ADGRE3: variants seen among roughly 807,000 people sequenced by gnomAD.
ADGRE3 encodes the protein adhesion G protein-coupled receptor E3.
In ADGRE3, 88 loss-of-function variants were observed where a neutral mutation model predicts 80.1. The ratio of observed to expected loss-of-function variants is 1.10; its 90% confidence interval spans 0.93 to 1.31. ADGRE3 has a LOEUF of 1.31. ADGRE3 is among the 40% of genes most tolerant of loss of function. ADGRE3 has a pLI of 0.00. For synonymous variants in ADGRE3, 281 were observed against 294.8 expected, an observed-to-expected ratio of 0.95 and a Z score of 0.48; for missense variants, 715 against 776.5, an observed-to-expected ratio of 0.92 and a Z score of 0.94.
chr19:14,674,344 A>T (rs1050889420), intron 1 of ADGRE3, among the ~76,000 whole-genome samples: 2 of 152,030 alleles, frequency 1.3e-5, no homozygotes, highest in African/African-American at 2.4e-5. Flanking sequence ...TAAAAATACA[A>T]AAATTAGCCA....
intron 7 of ADGRE3, among the ~76,000 whole-genome samples, chr19:14,649,094 C>A (rs1448218170): frequency 6.7e-6 from 1 of 150,294 alleles, no homozygotes; most frequent in Non-Finnish European, 1.5e-5. Context: ...CTCTTTCCAT[C>A]TTTCTCCCCA....
chr19:14,660,716 C>A (rs1410162516), intron 4 of ADGRE3, among the ~76,000 whole-genome samples: 3 of 151,930 alleles, frequency 2.0e-5, no homozygotes, highest in Non-Finnish European at 2.9e-5. Flanking sequence ...CTCATATAGA[C>A]TTTCCCATCC....
chr19:14,607,162 G>C, the ADGRE3 span: 36 of 740,906 alleles, frequency 4.9e-5, no homozygotes, highest in African/African-American at 6.2e-4. Flanking sequence ...ACCATGGGGA[G>C]GGGAGAAGGT....
chr19:14,610,305 C>T, the ADGRE3 span: 1 of 1,447,082 alleles, frequency 6.9e-7, no homozygotes, highest in Non-Finnish European at 9.2e-7. Context: ...CACAGATGTG[C>T]CTCAAACAGG....
chr19:14,655,809 T>C (rs1329508642), intron 5 of ADGRE3, among the ~76,000 whole-genome samples: 2 of 151,996 alleles, frequency 1.3e-5, no homozygotes, highest in Non-Finnish European at 2.9e-5. Context: ...GTGATAAGTT[T>C]GTTAGAAATA....
At chr19:14,652,430 ATATTAAAAGGT>A (rs1212767598) in intron 6 of ADGRE3, among the ~76,000 whole-genome samples, 3 of 151,942 alleles carry the variant, frequency 2.0e-5, no homozygotes, top group East Asian at 3.9e-4. Context: ...CCTTTTGTGC[ATATTAAAAGGT>A]TAAAAAAAAA....
chr19:14,617,388 T>G (rs889798889), downstream of ADGRE3, among the ~76,000 whole-genome samples: 7 of 135,198 alleles, frequency 5.2e-5, no homozygotes, highest in African/African-American at 1.9e-4. Flanking sequence ...CTTTCTTTCT[T>G]TCTTTCTTTC....
At chr19:14,636,672 TGC>T (rs1419908366) in intron 11 of ADGRE3, among the ~76,000 whole-genome samples, 1 of 152,148 alleles carries the variant, frequency 6.6e-6, no homozygotes, top group Non-Finnish European at 1.5e-5. Flanking sequence ...CAGGATTCAC[TGC>T]CAGGTCAGCT....
intron 1 of ADGRE3, among the ~76,000 whole-genome samples, chr19:14,669,960 C>A (rs532777181): frequency 3.3e-5 from 5 of 152,062 alleles, no homozygotes; most frequent in South Asian, 4.2e-4. Context: ...ATTACCTATT[C>A]GGTACAATGT....
intron 1 of ADGRE3, among the ~76,000 whole-genome samples, chr19:14,671,608 C>G (rs968242335): frequency 6.6e-6 from 1 of 152,230 alleles, no homozygotes; most frequent in South Asian, 2.1e-4. Flanking sequence ...GTGGATGTCT[C>G]TGGGGGGACT....
In ADGRE3 at chr19:14,620,548, T is replaced by TATAATA; in HGVS notation, c.1921-1078_1921-1077insTATTAT. The stretch of plus-strand genomic sequence containing the variant: ...TGAATATATATATTTTATATATATA[T>TATAATA]TATATATATATATATATATATTTTT... On this transcript the variant is annotated intron_variant, in intron 15 of 15. Coordinates refer to ENST00000253673, the MANE Select transcript of ADGRE3 (RefSeq NM_032571.5). Among the ~76,000 whole-genome samples, 67 of 24,946 alleles carry TATAATA rather than the reference T, an allele frequency of 2.7e-3. 2 individuals carry two copies. Among genetic ancestry groups the TATAATA allele is most frequent in the South Asian group, 9.9e-3 (6 of 604 alleles). 16.4% of individuals were successfully genotyped at this position (24,946 alleles called of 152,430 possible).
At chr19:14,636,738 C>T (rs1381348443) in intron 11 of ADGRE3, among the ~76,000 whole-genome samples, 2 of 152,098 alleles carry the variant, frequency 1.3e-5, no homozygotes, top group African/African-American at 4.8e-5. Context: ...CCTAGAATCA[C>T]ACAGATCCTA....
chr19:14,668,241 ACT>A (rs923404886), intron 2 of ADGRE3, among the ~76,000 whole-genome samples: 3 of 151,826 alleles, frequency 2.0e-5, no homozygotes, highest in African/African-American at 7.3e-5. Flanking sequence ...ACAGAGTGAG[ACT>A]CTGTCTCAAA....
intron 2 of ADGRE3, among the ~76,000 whole-genome samples, chr19:14,664,640 T>C (rs563065396): frequency 5.3e-5 from 8 of 152,260 alleles, no homozygotes; most frequent in Non-Finnish European, 1.0e-4. Context: ...GCCCAGGAGT[T>C]TGAGGCTGCA....
chr19:14,652,475 C>T (rs897306318), intron 6 of ADGRE3, among the ~76,000 whole-genome samples: 3 of 151,696 alleles, frequency 2.0e-5, no homozygotes, highest in Non-Finnish European at 4.4e-5. Flanking sequence ...CAAAACAGCA[C>T]ATCAAGAATG....
chr19:14,661,814 C>T (rs935794651), intron 4 of ADGRE3, 149 bp downstream of exon 4: 31 of 728,380 alleles, frequency 4.3e-5, no homozygotes, highest in Admixed American at 1.4e-4. Flanking sequence ...ACAGGAGAAT[C>T]GCTTGAGCCC....
At chr19:14,668,293 C>T (rs1972157215) in intron 2 of ADGRE3, among the ~76,000 whole-genome samples, 1 of 151,964 alleles carries the variant, frequency 6.6e-6, no homozygotes, top group Non-Finnish European at 1.5e-5. Context: ...CAGGTTCCAC[C>T]CTAGACCTGA....
intron 4 of ADGRE3, 142 bp from the exon 5 acceptor site, chr19:14,658,692 G>T: frequency 2.5e-6 from 1 of 404,162 alleles, no homozygotes. Flanking sequence ...TCTGCTGTTT[G>T]TTGATTTTTA....
At chr19:14,663,923 T>G (rs1292126674) in intron 2 of ADGRE3, among the ~76,000 whole-genome samples, 1 of 152,150 alleles carries the variant, frequency 6.6e-6, no homozygotes, top group East Asian at 1.9e-4. Flanking sequence ...TTTCTCCTAA[T>G]GCTATCCCTC....
Sources: gnomAD v4.1 joint callset for allele counts (sites outside exome capture counted in the v4.1 genomes callset) on GRCh38, gnomAD v4.1.1 for gene constraint, MANE v1.5 for transcripts, NCBI Gene and HGNC (gene_info 2026-07-23, HGNC 2026-07-21) for gene names.